Variants in FAM135B observed in about 807,000 individuals in gnomAD.
FAM135B encodes family with sequence similarity 135 member B.
A neutral mutation model predicts 127.7 loss-of-function variants in FAM135B; 43 were observed. That is an observed-to-expected ratio of 0.34 (90% CI 0.26 to 0.43). The LOEUF (loss-of-function observed/expected upper bound fraction) is 0.43, where lower values mean the gene tolerates loss of function less well. Among genes scored for constraint, FAM135B ranks in the 20% least tolerant of loss-of-function variants. The probability of loss-of-function intolerance (pLI) is 1.00; values close to 1 mark genes in which losing one functional copy is unlikely to be tolerated. For missense variants in FAM135B, 1,558 were observed against 1,725.6 expected, an observed-to-expected ratio of 0.90 and a Z score of 1.72; for synonymous variants, 670 against 665.1, an observed-to-expected ratio of 1.01 and a Z score of -0.11.
Position 138,140,737 on chromosome 8 carries a change from A to G in FAM135B, c.3790+461T>C, listed in dbSNP as rs114794144. Among the ~76,000 whole-genome samples the G allele has an allele frequency of 2.7e-3, 409 of 152,326 alleles. 2 individuals carry two copies. The highest frequency in any genetic ancestry group is 9.5e-3 in the African/African-American group (394 of 41,564). ...CTTGTACACATACATATATGTATAC[A>G]TACATATACACAAACACAGATACAC... On this transcript the variant is annotated intron_variant, in intron 17 of 19. Coordinates refer to ENST00000395297, the MANE Select transcript of FAM135B (RefSeq NM_015912.4).
At chr8:138,161,713 G>A (rs962835654) in intron 12 of FAM135B, among the ~76,000 whole-genome samples, 14 of 152,216 alleles carry the variant, frequency 9.2e-5, no homozygotes, top group South Asian at 4.2e-4. Flanking sequence ...TTACCAGGGC[G>A]CATTCTTTGC....
At chr8:138,404,332 C>T (rs1268095567) in intron 1 of FAM135B, among the ~76,000 whole-genome samples, 2 of 152,106 alleles carry the variant, frequency 1.3e-5, no homozygotes, top group African/African-American at 4.8e-5. Flanking sequence ...TTATAATAAT[C>T]ATCTGAACCT....
At chr8:138,218,896 A>G (rs1294856871) in intron 7 of FAM135B, among the ~76,000 whole-genome samples, 2 of 152,206 alleles carry the variant, frequency 1.3e-5, no homozygotes, top group East Asian at 3.9e-4. Flanking sequence ...AGGCACCAGT[A>G]AAATACTCCG....
At chr8:138,370,301 G>A (rs766413018) in intron 1 of FAM135B, among the ~76,000 whole-genome samples, 1 of 152,004 alleles carries the variant, frequency 6.6e-6, no homozygotes, top group Non-Finnish European at 1.5e-5. Flanking sequence ...AGGATGAATG[G>A]GATAGAGTTT....
intron 7 of FAM135B, among the ~76,000 whole-genome samples, chr8:138,231,073 AG>A (rs1454333362): frequency 6.6e-6 from 1 of 152,028 alleles, no homozygotes; most frequent in Non-Finnish European, 1.5e-5. Flanking sequence ...TCTGTCACCC[AG>A]GCTGGAGTGT....
intron 3 of FAM135B, among the ~76,000 whole-genome samples, chr8:138,293,371 C>A (rs1197619758): frequency 1.3e-5 from 2 of 152,056 alleles, no homozygotes; most frequent in African/African-American, 4.8e-5. Context: ...AACCCAAACA[C>A]AAATGTTACA....
At position 138,151,708 on chromosome 8, in the gene FAM135B, T is replaced by C. The variant is rs549304394; in HGVS notation, c.2767A>G (p.Ile923Val). ...TGAGAGAGACCCTCAACCTCTGAGATGCCACTGTTGGAAAGAGCTTGCTGA... is the reference window on the plus strand; with the variant it reads ...TGAGAGAGACCCTCAACCTCTGAGACGCCACTGTTGGAAAGAGCTTGCTGA... ...VGQQALSNSGISEVEGLSQHQ... is the reference protein window; with the variant it reads ...VGQQALSNSGVSEVEGLSQHQ... The change falls in exon 13 of 20, where the codon ATC becomes GTC. Residue 923 changes from isoleucine to valine, a missense_variant. This residue lies in a region of FAM135B where 923 missense variants were observed against 865.3 expected (regional missense o/e 1.07). Transcript: ENST00000395297. 1.4e-5 allele frequency: 22 copies of C among 1,614,202 alleles called. No homozygotes were observed. Among genetic ancestry groups the C allele is most frequent in the African/African-American group, 5.3e-5 (4 of 75,054 alleles).
chr8:138,348,423 C>T (rs2131101757), intron 2 of FAM135B, among the ~76,000 whole-genome samples: 2 of 152,250 alleles, frequency 1.3e-5, no homozygotes, highest in South Asian at 4.1e-4. Flanking sequence ...GCGTGAGCCA[C>T]CGCACCTGGC....
At chr8:138,403,006 G>A (rs137985287) in intron 1 of FAM135B, among the ~76,000 whole-genome samples, 1 of 152,266 alleles carries the variant, frequency 6.6e-6, no homozygotes, top group Non-Finnish European at 1.5e-5. Flanking sequence ...ACGGCCATCT[G>A]CAAACTGAAG....
chr8:138,264,616 T>C (rs1454969111), intron 4 of FAM135B, among the ~76,000 whole-genome samples: 1 of 152,182 alleles, frequency 6.6e-6, no homozygotes, highest in Non-Finnish European at 1.5e-5. Context: ...GCCAGAGATA[T>C]GTCATGTTCA....
At chr8:138,260,347 G>A (rs891298126) in intron 4 of FAM135B, among the ~76,000 whole-genome samples, 2 of 152,182 alleles carry the variant, frequency 1.3e-5, no homozygotes, top group Non-Finnish European at 2.9e-5. Flanking sequence ...TGGCAGAGCA[G>A]AATATCTGTG....
rs1322784193 is a variant in FAM135B, at chr8:138,148,579, T to A, written c.3389A>T (p.Glu1130Val). The A allele has an allele frequency of 6.2e-7, 1 of 1,613,970 alleles. No homozygotes were observed. The change falls in exon 14 of 20, where the codon GAA becomes GTA. Residue 1130 changes from glutamate to valine, a missense_variant. Around this residue, in one of 5 missense-constraint regions of FAM135B, gnomAD observed 923 missense variants for 865.3 expected, o/e 1.07. Transcript: ENST00000395297. ...ASDIPYFPPEEEEENLEDGIH... is the reference protein window; with the variant it reads ...ASDIPYFPPEVEEENLEDGIH... The stretch of plus-strand genomic sequence containing the variant: ...TCCATCTTCCAAATTTTCTTCCTCT[T>A]CCTCTGGTGGGAAATATGGTATATC...
rs537660229 is a variant in FAM135B at position 138,169,774 on chromosome 8, A to C, written c.1104-1725T>G. On this transcript the variant is annotated intron_variant, in intron 11 of 19. Coordinates refer to ENST00000395297, the MANE Select transcript of FAM135B (RefSeq NM_015912.4). Reference sequence around the variant, plus strand: ...AGGATTGCAGCTTGATTTTAGGTCGAACAAGCCAACATTCATGAAAAAAAC... The same window carrying C: ...AGGATTGCAGCTTGATTTTAGGTCGCACAAGCCAACATTCATGAAAAAAAC... Among the ~76,000 whole-genome samples the C allele has an allele frequency of 1.6e-3, 238 of 152,324 alleles. No individual in the cohort carries two copies. In the Middle Eastern group the frequency reaches 0.017, roughly 11 times the overall value.
intron 5 of FAM135B, 72 bp downstream of exon 5, chr8:138,256,617 C>T (rs1822107317): frequency 1.6e-6 from 2 of 1,266,304 alleles, no homozygotes; most frequent in Non-Finnish European, 2.3e-6. Flanking sequence ...GGCTATGAGG[C>T]TATCCCAAGA....
intron 3 of FAM135B, among the ~76,000 whole-genome samples, chr8:138,268,604 T>C (rs980453104): frequency 3.3e-5 from 5 of 152,114 alleles, no homozygotes; most frequent in African/African-American, 9.7e-5. Flanking sequence ...TCATTCCCAT[T>C]GGGATTTTCC....
intron 1 of FAM135B, among the ~76,000 whole-genome samples, chr8:138,491,508 T>C (rs1018894939): frequency 1.3e-5 from 2 of 152,346 alleles, no homozygotes; most frequent in East Asian, 3.9e-4. Flanking sequence ...ATTTGGAACA[T>C]GTCATTGTTT....
At chr8:138,458,112 G>A (rs1418144665) in intron 1 of FAM135B, among the ~76,000 whole-genome samples, 3 of 151,932 alleles carry the variant, frequency 2.0e-5, no homozygotes, top group East Asian at 1.9e-4. Context: ...AGATCACGCC[G>A]CTGCACTCCA....
chr8:138,442,701 TA>T (rs1300424155), intron 1 of FAM135B, among the ~76,000 whole-genome samples: 1 of 152,018 alleles, frequency 6.6e-6, no homozygotes, highest in Non-Finnish European at 1.5e-5. Flanking sequence ...ATGTAAAAAG[TA>T]ATAGATCTCC....
rs16908675 is a variant in FAM135B, at chr8:138,243,881, T to C, written c.543-813A>G. Reference sequence around the variant, plus strand: ...TTCTTTTCTAATGGATGTTTTGTCATATTGTGGATACTATATTCTAGGCAT... The same window carrying C: ...TTCTTTTCTAATGGATGTTTTGTCACATTGTGGATACTATATTCTAGGCAT... On this transcript the variant is annotated intron_variant, in intron 6 of 19. Coordinates refer to ENST00000395297, the MANE Select transcript of FAM135B (RefSeq NM_015912.4). The surrounding 1 kb of genome is among the most constrained non-coding windows in gnomAD (Gnocchi z 7.5). Among the ~76,000 whole-genome samples, 4,034 of 152,290 alleles carry C rather than the reference T, an allele frequency of 0.026. 70 individuals are homozygous for C. Among genetic ancestry groups the C allele is most frequent in the Non-Finnish European group, 0.039 (2,684 of 68,014 alleles).
Sources: allele counts gnomAD v4.1 joint callset (sites outside exome capture counted in the v4.1 genomes callset), GRCh38; gene constraint gnomAD v4.1.1; regional missense constraint gnomAD v4.1.1; non-coding constraint Gnocchi (gnomAD v3.1); transcripts MANE v1.5; gene names NCBI Gene and HGNC (gene_info 2026-07-23, HGNC 2026-07-21).